Variants in WWC2 observed in about 807,000 individuals in gnomAD.
WWC2 encodes the protein protein WWC2.
WWC2 carries 101 observed loss-of-function variants against 138.5 expected under a neutral mutation model. That is an observed-to-expected ratio of 0.73 (90% confidence interval 0.62 to 0.86). The LOEUF (loss-of-function observed/expected upper bound fraction) is 0.86, where lower values mean the gene tolerates loss of function less well. Ranked by LOEUF, WWC2 falls within the 40% of genes least tolerant of loss-of-function variation. The pLI, the probability that WWC2 is intolerant of heterozygous loss-of-function variation, is 0.00. For missense variants in WWC2, 1,420 were observed against 1,419.4 expected (o/e 1.00, Z -0.01); for synonymous variants, 558 against 538.4 (o/e 1.04, Z -0.50).
At chr4:183,110,252 A>G (rs1732191376) in intron 1 of WWC2, among the ~76,000 whole-genome samples, 1 of 152,228 alleles carries the variant, frequency 6.6e-6, no homozygotes, top group East Asian at 1.9e-4. Context: ...GTTTGTTTAT[A>G]CTTGACTGTT....
intron 1 of WWC2, among the ~76,000 whole-genome samples, chr4:183,165,083 A>C (rs942790123): frequency 6.6e-6 from 1 of 152,112 alleles, no homozygotes; most frequent in African/African-American, 2.4e-5. Flanking sequence ...TTCACATTCC[A>C]TTTGTTTCAG....
chr4:183,286,998 A>G (rs1486532015), intron 20 of WWC2, among the ~76,000 whole-genome samples: 1 of 152,162 alleles, frequency 6.6e-6, no homozygotes, highest in East Asian at 1.9e-4. Flanking sequence ...GCGTAAAATG[A>G]TACGGGAGCA....
chr4:183,158,748 C>T (rs1199739516), intron 1 of WWC2, among the ~76,000 whole-genome samples: 1 of 152,080 alleles, frequency 6.6e-6, no homozygotes, highest in Non-Finnish European at 1.5e-5. Flanking sequence ...CATTTTACCC[C>T]TGTTAAATCA....
chr4:183,184,395 G>T (rs1384874647), intron 1 of WWC2, among the ~76,000 whole-genome samples: 1 of 152,082 alleles, frequency 6.6e-6, no homozygotes, highest in Non-Finnish European at 1.5e-5. Context: ...GGGAATTTGG[G>T]CTCTTTCCAC....
At position 183,312,340 on chromosome 4, in the gene WWC2, G is replaced by T; in HGVS notation, c.3385-1G>T. The T allele has an allele frequency of 6.2e-7, 1 of 1,612,888 alleles. No individual in the cohort carries two copies. The highest frequency in any genetic ancestry group is 1.1e-5 in the South Asian group (1 of 90,988). On this transcript the variant is annotated splice_acceptor_variant, in intron 21 of 22. Transcript: ENST00000403733. LOFTEE classifies it high-confidence loss of function. ...TCTTACATTTTTATTCCCTTTTCCA[G>T]GCTGAACAGTCCAAAGAAGAGCAGA...
chr4:183,219,683 CTT>C (rs1310641662), intron 4 of WWC2, among the ~76,000 whole-genome samples: 3 of 152,120 alleles, frequency 2.0e-5, no homozygotes, highest in African/African-American at 4.8e-5. Context: ...AAAGTAGTGA[CTT>C]TTATTGGAAG....
At chr4:183,237,180 CTTTAG>C (rs753026132) in intron 4 of WWC2, among the ~76,000 whole-genome samples, 9 of 152,156 alleles carry the variant, frequency 5.9e-5, no homozygotes, top group Admixed American at 1.3e-4. Context: ...TCTTTCACTT[CTTTAG>C]TTAAGTTAAT....
intron 1 of WWC2, among the ~76,000 whole-genome samples, chr4:183,110,635 G>A (rs994435355): frequency 2.6e-5 from 4 of 152,010 alleles, no homozygotes; most frequent in Non-Finnish European, 4.4e-5. Context: ...TTTGAATAAA[G>A]GTGTACATTT....
chr4:183,168,608 T>C (rs1257642442), intron 1 of WWC2, among the ~76,000 whole-genome samples: 1 of 152,134 alleles, frequency 6.6e-6, no homozygotes, highest in Non-Finnish European at 1.5e-5. Flanking sequence ...TGACTGTTGT[T>C]GGGGCCACAT....
chr4:183,278,041 G>A (rs1227651056), intron 16 of WWC2, among the ~76,000 whole-genome samples: 116 of 151,068 alleles, frequency 7.7e-4, no homozygotes, highest in African/African-American at 2.5e-3. Flanking sequence ...TTTAGACATG[G>A]AGTCCTTGCC....
chr4:183,185,978 C>G (rs950434410), intron 1 of WWC2, among the ~76,000 whole-genome samples: 3 of 138,052 alleles, frequency 2.2e-5, no homozygotes, highest in Non-Finnish European at 3.1e-5. Flanking sequence ...GACGGAGTCT[C>G]ACTCTGTCAC....
intron 4 of WWC2, among the ~76,000 whole-genome samples, chr4:183,237,992 C>T (rs944722148): frequency 3.9e-5 from 6 of 152,118 alleles, no homozygotes; most frequent in Non-Finnish European, 8.8e-5. Flanking sequence ...TCAATACACA[C>T]CCACTTTAGG....
intron 1 of WWC2, among the ~76,000 whole-genome samples, chr4:183,175,307 G>T (rs1734431590): frequency 2.0e-5 from 3 of 151,962 alleles, no homozygotes; most frequent in Non-Finnish European, 4.4e-5. Flanking sequence ...TGTTGCCCAG[G>T]CTGGAGTGCA....
chr4:183,228,631 T>TG (rs1157598701), intron 4 of WWC2, among the ~76,000 whole-genome samples: 1 of 152,076 alleles, frequency 6.6e-6, no homozygotes, highest in African/African-American at 2.4e-5. Flanking sequence ...AACAAAGCTG[T>TG]TTCCCACCTT....
At chr4:183,179,026 T>C (rs916430359) in intron 1 of WWC2, among the ~76,000 whole-genome samples, 3 of 152,218 alleles carry the variant, frequency 2.0e-5, no homozygotes, top group African/African-American at 4.8e-5. Context: ...TCTAAGCTTA[T>C]TGTAAAAGAT....
chr4:183,190,476 A>T (rs1048312779), intron 1 of WWC2, among the ~76,000 whole-genome samples: 2 of 152,136 alleles, frequency 1.3e-5, no homozygotes, highest in Admixed American at 6.5e-5. Flanking sequence ...GGAACCTGAG[A>T]ATGTTGTTCT....
chr4:183,122,424 A>C (rs1732631270), intron 1 of WWC2, among the ~76,000 whole-genome samples: 1 of 152,346 alleles, frequency 6.6e-6, no homozygotes, highest in East Asian at 1.9e-4. Context: ...ATAAAATTAA[A>C]ACTCTGACAT....
chr4:183,306,011 G>T (rs902335371), intron 21 of WWC2, among the ~76,000 whole-genome samples: 2 of 152,242 alleles, frequency 1.3e-5, no homozygotes, highest in African/African-American at 4.8e-5. Context: ...GGGATATTTT[G>T]TTATTATAAG....
chr4:183,294,453 A>G (rs971810973), intron 21 of WWC2, among the ~76,000 whole-genome samples: 24 of 152,382 alleles, frequency 1.6e-4, no homozygotes, highest in African/African-American at 5.8e-4. Context: ...GCATGAATAC[A>G]GAGCTCTCTA....
Sources: allele counts gnomAD v4.1 joint callset (sites outside exome capture counted in the v4.1 genomes callset), GRCh38; gene constraint gnomAD v4.1.1; transcripts MANE v1.5; gene names NCBI Gene and HGNC (gene_info 2026-07-23, HGNC 2026-07-21).